SNTG1: variants seen among roughly 807,000 people sequenced by gnomAD.
The protein encoded by SNTG1 is gamma-1-syntrophin.
Under a neutral mutation model 74.7 loss-of-function variants are expected in SNTG1, and 39 were observed. The ratio of observed to expected loss-of-function variants is 0.52; its 90% CI spans 0.40 to 0.68. The LOEUF is 0.68. SNTG1 is among the 30% of genes least tolerant of loss of function. SNTG1 has a pLI of 0.00. For missense variants in SNTG1, 685 were observed against 609.5 expected (o/e 1.12, Z -1.30); for synonymous variants, 254 against 217.1 (o/e 1.17, Z -1.49).
At chr8:50,192,924 T>C (rs2131795891) in intron 2 of SNTG1, among the ~76,000 whole-genome samples, 1 of 152,270 alleles carries the variant, frequency 6.6e-6, no homozygotes, top group African/African-American at 2.4e-5. Flanking sequence ...CCCTGTTTTA[T>C]GTTTTTGTTT....
At chr8:49,920,456 T>C (rs1414299659) in intron 1 of SNTG1, among the ~76,000 whole-genome samples, 1 of 152,078 alleles carries the variant, frequency 6.6e-6, no homozygotes, top group Non-Finnish European at 1.5e-5. Context: ...AATGCTTTTC[T>C]ATTCATAAGT....
intron 1 of SNTG1, among the ~76,000 whole-genome samples, chr8:50,052,377 A>G (rs1358925596): frequency 1.3e-5 from 2 of 152,138 alleles, no homozygotes; most frequent in Admixed American, 1.3e-4. Context: ...TCCACATGCA[A>G]AAAGAATTAA....
intron 2 of SNTG1, among the ~76,000 whole-genome samples, chr8:50,247,867 G>A (rs868707604): frequency 1.8e-4 from 27 of 151,912 alleles, no homozygotes; most frequent in African/African-American, 6.5e-4. Context: ...GCTTTTTGAA[G>A]ACCCTTTGTA....
intron 15 of SNTG1, among the ~76,000 whole-genome samples, chr8:50,697,042 C>G (rs2095407691): frequency 6.6e-6 from 1 of 151,966 alleles, no homozygotes; most frequent in African/African-American, 2.4e-5. Context: ...GAAATATGGC[C>G]ATTTTAACAA....
chr8:50,181,460 C>G (rs763618902), intron 2 of SNTG1, among the ~76,000 whole-genome samples: 3 of 152,190 alleles, frequency 2.0e-5, no homozygotes, highest in Non-Finnish European at 4.4e-5. Flanking sequence ...AGTCCTACCT[C>G]CATGAATAGG....
intron 18 of SNTG1, among the ~76,000 whole-genome samples, chr8:50,780,607 A>C (rs768559031): frequency 6.6e-6 from 1 of 151,984 alleles, no homozygotes; most frequent in Non-Finnish European, 1.5e-5. Flanking sequence ...CTTCTTTATT[A>C]GCCTTGCTAG....
At chr8:50,790,408 A>C (rs1397057824) in intron 18 of SNTG1, among the ~76,000 whole-genome samples, 1 of 151,958 alleles carries the variant, frequency 6.6e-6, no homozygotes, top group African/African-American at 2.4e-5. Flanking sequence ...GATGATCATA[A>C]GACTTTTTTT....
intron 17 of SNTG1, among the ~76,000 whole-genome samples, chr8:50,751,444 T>C (rs2131699583): frequency 6.6e-6 from 1 of 152,180 alleles, no homozygotes; most frequent in South Asian, 2.1e-4. Flanking sequence ...TTTCTGTTAC[T>C]TTCTGCTTCA....
At chr8:50,204,714 C>G (rs1054151201) in intron 2 of SNTG1, among the ~76,000 whole-genome samples, 17 of 152,008 alleles carry the variant, frequency 1.1e-4, no homozygotes, top group African/African-American at 3.9e-4. Flanking sequence ...TGCTATCCCT[C>G]CCCACTCCCC....
intron 14 of SNTG1, among the ~76,000 whole-genome samples, 193 bp from the exon 15 acceptor site, chr8:50,658,399 C>T (rs984540042): frequency 6.6e-6 from 1 of 152,026 alleles, no homozygotes; most frequent in Non-Finnish European, 1.5e-5. Flanking sequence ...AAGCATAAGA[C>T]AAATGGTAAC....
intron 2 of SNTG1, among the ~76,000 whole-genome samples, chr8:50,223,774 AT>A (rs1045174774): frequency 6.6e-6 from 1 of 152,150 alleles, no homozygotes; most frequent in South Asian, 2.1e-4. Flanking sequence ...GAGAAGAATA[AT>A]TTTTTTAAAT....
chr8:49,927,486 AACTT>A (rs1251968260), intron 1 of SNTG1, among the ~76,000 whole-genome samples: 9 of 152,304 alleles, frequency 5.9e-5, no homozygotes, highest in Middle Eastern at 3.4e-3. Flanking sequence ...TGTTAATATT[AACTT>A]ACTTAAGAAG....
At chr8:50,169,378 G>A (rs1447210207) in intron 1 of SNTG1, among the ~76,000 whole-genome samples, 5 of 152,092 alleles carry the variant, frequency 3.3e-5, no homozygotes, top group East Asian at 3.9e-4. Flanking sequence ...AATGAAGTTC[G>A]ACTTCTGCTT....
At chr8:50,664,107 T>C (rs1278256804) in intron 15 of SNTG1, among the ~76,000 whole-genome samples, 1 of 152,164 alleles carries the variant, frequency 6.6e-6, no homozygotes, top group Non-Finnish European at 1.5e-5. Context: ...TTGGAGAGAA[T>C]GTAAAGCAAC....
At chr8:50,513,867 T>C (rs1431541286) in intron 9 of SNTG1, among the ~76,000 whole-genome samples, 1 of 152,220 alleles carries the variant, frequency 6.6e-6, no homozygotes, top group Non-Finnish European at 1.5e-5. Context: ...ACTTCCTAGG[T>C]GAGGCAATGC....
At chr8:49,929,720 A>AT (rs527259628) in intron 1 of SNTG1, among the ~76,000 whole-genome samples, 4,889 of 151,704 alleles carry the variant, frequency 0.032, 231 homozygotes, top group African/African-American at 0.1. Context: ...TTTTTTTTTA[A>AT]TTTTTTTTAT....
At chr8:50,037,846 C>A (rs1818293571) in intron 1 of SNTG1, among the ~76,000 whole-genome samples, 1 of 152,152 alleles carries the variant, frequency 6.6e-6, no homozygotes, top group South Asian at 2.1e-4. Context: ...ATAACAATCT[C>A]CCTTTAGAAA....
chr8:50,166,750 G>C (rs1283785454), intron 1 of SNTG1, among the ~76,000 whole-genome samples: 13 of 127,340 alleles, frequency 1.0e-4, no homozygotes, highest in Admixed American at 7.9e-4. Context: ...AATACCATTT[G>C]ACCCAGCCAT....
At chr8:49,914,888 C>T (rs1294327291) in intron 1 of SNTG1, 2 of 152,144 alleles carry the variant, frequency 1.3e-5, no homozygotes, top group Non-Finnish European at 2.9e-5. Context: ...ATAGTAATCT[C>T]ACCTTCCCAG....
Sources: allele counts gnomAD v4.1 joint callset (sites outside exome capture counted in the v4.1 genomes callset), GRCh38; gene constraint gnomAD v4.1.1; transcripts MANE v1.5; gene names NCBI Gene and HGNC (gene_info 2026-07-23, HGNC 2026-07-21).